The following HIPK3 variants were observed in gnomAD, a reference collection of about 807,000 sequenced individuals.
The protein encoded by HIPK3 is homeodomain-interacting protein kinase 3.
HIPK3 carries 47 observed loss-of-function variants against 124.2 expected under a neutral mutation model. That is an observed-to-expected ratio of 0.38 (90% CI 0.30 to 0.48). HIPK3 has a LOEUF of 0.48. Ranked by LOEUF, HIPK3 falls within the 20% of genes least tolerant of loss-of-function variation. HIPK3 has a pLI of 0.98. For synonymous variants in HIPK3, 482 were observed against 515.2 expected (o/e 0.94, Z 0.87); for missense variants, 1,286 against 1,454.3 (o/e 0.88, Z 1.88).
In HIPK3 at chr11:33,327,243, A is replaced by G. The variant is rs553856336; in HGVS notation, c.1098-1267A>G. 2.6e-5 allele frequency among the ~76,000 whole-genome samples: 4 copies of G among 152,336 alleles called. No homozygotes were observed. In the East Asian group the frequency reaches 5.8e-4, roughly 22 times the overall value. Reference sequence around the variant, plus strand: ...AAAATTATTAGTAATGGAACATATCAGAATTGCATGCCTAATAAGATACAA... The same window carrying G: ...AAAATTATTAGTAATGGAACATATCGGAATTGCATGCCTAATAAGATACAA... On this transcript the variant is annotated intron_variant, in intron 2 of 16. Transcript: ENST00000303296.
chr11:33,341,735 A>G (rs1341139396), intron 8 of HIPK3, 49 bp downstream of exon 8: 1 of 1,502,466 alleles, frequency 6.7e-7, no homozygotes, highest in Non-Finnish European at 9.1e-7. Flanking sequence ...GCTTTATTTT[A>G]AAATAAGTTT....
chr11:33,296,649 A>G (rs2133918638), intron 2 of HIPK3, among the ~76,000 whole-genome samples: 1 of 152,210 alleles, frequency 6.6e-6, no homozygotes, highest in Non-Finnish European at 1.5e-5. Context: ...TGATCTTTGA[A>G]CAGTAGTCTT....
intron 2 of HIPK3, among the ~76,000 whole-genome samples, chr11:33,298,528 G>T (rs1358738307): frequency 6.6e-6 from 1 of 152,212 alleles, no homozygotes; most frequent in East Asian, 1.9e-4. Flanking sequence ...AGCTGCTATA[G>T]ATAGTAATTC....
chr11:33,280,927 G>C (rs1851395121), intron 1 of HIPK3, among the ~76,000 whole-genome samples: 1 of 152,092 alleles, frequency 6.6e-6, no homozygotes, highest in East Asian at 1.9e-4. Context: ...GAGATCATTG[G>C]TTCTCAGATT....
intron 2 of HIPK3, among the ~76,000 whole-genome samples, chr11:33,293,290 C>T (rs1029351558): frequency 6.6e-6 from 1 of 152,006 alleles, no homozygotes; most frequent in African/African-American, 2.4e-5. Flanking sequence ...ATAGTTGTGC[C>T]ATCATCAGCA....
chr11:33,325,742 A>T (rs1852793495), intron 2 of HIPK3, among the ~76,000 whole-genome samples: 1 of 152,222 alleles, frequency 6.6e-6, no homozygotes, highest in Admixed American at 6.5e-5. Context: ...CAAATAATGA[A>T]CAAAAAGGGA....
Position 33,257,780 on chromosome 11 carries a change from C to A in HIPK3, c.-112C>A. 1.0e-6 allele frequency: 1 copy of A among 987,058 alleles called. No homozygotes were observed. Among genetic ancestry groups the A allele is most frequent in the African/African-American group, 1.7e-5 (1 of 57,402 alleles). The allele number at this position is 987,058 out of a possible 1,614,324, so 61.1% of individuals were successfully genotyped here. On this transcript the variant is annotated 5_prime_UTR_variant, in exon 1 of 17. Transcript: ENST00000303296. ...GGGCTGAGCCCGGGCTGGGTGGTGC[C>A]GCCTGCTGAAGCGCCTGGCTCCCGG...
At chr11:33,269,832 A>G (rs1373970794) in intron 1 of HIPK3, among the ~76,000 whole-genome samples, 1 of 151,890 alleles carries the variant, frequency 6.6e-6, no homozygotes. Flanking sequence ...TTAGCTTTCA[A>G]CCCATATTTT....
intron 1 of HIPK3, among the ~76,000 whole-genome samples, chr11:33,271,111 G>A (rs896544676): frequency 3.9e-5 from 6 of 152,022 alleles, no homozygotes. Flanking sequence ...TGCCTTAGTG[G>A]TAATTTTTAT....
Position 33,287,100 on chromosome 11 carries a change from A to G in HIPK3, c.686A>G (p.Lys229Arg). Residue 229 changes from lysine (K) to arginine (R), a missense_variant, in exon 2 of 17, where the codon AAG becomes AGG. Coordinates refer to ENST00000303296, the MANE Select transcript of HIPK3 (RefSeq NM_005734.5). ...TNEIVAIKIL[K>R]NHPSYARQGQ... Reference sequence around the variant, plus strand: ...GAAATTGTAGCAATCAAAATTTTGAAGAATCATCCTTCTTATGCCCGTCAA... The same window carrying G: ...GAAATTGTAGCAATCAAAATTTTGAGGAATCATCCTTCTTATGCCCGTCAA... The G allele has an allele frequency of 1.2e-6, 2 of 1,614,226 alleles. No homozygotes were observed. Among genetic ancestry groups the G allele is most frequent in the Non-Finnish European group, 1.7e-6 (2 of 1,180,038 alleles).
At chr11:33,329,351 C>T (rs1382567771) in intron 3 of HIPK3, among the ~76,000 whole-genome samples, 3 of 152,046 alleles carry the variant, frequency 2.0e-5, no homozygotes, top group African/African-American at 7.2e-5. Context: ...TCAAAATCAA[C>T]AAAGTAGTTA....
chr11:33,311,837 TACACACACACACACAC>T (rs370396153), intron 2 of HIPK3, among the ~76,000 whole-genome samples: 1 of 104,406 alleles, frequency 9.6e-6, no homozygotes, highest in African/African-American at 3.8e-5. Context: ...ACCCTGTTTC[TACACACACACACACAC>T]ACACACACAC....
chr11:33,266,952 G>A (rs1164869138), intron 1 of HIPK3, among the ~76,000 whole-genome samples: 3 of 151,990 alleles, frequency 2.0e-5, no homozygotes, highest in South Asian at 2.1e-4. Flanking sequence ...TTGTTTTCTC[G>A]TGGTTTTTTC....
At chr11:33,317,894 A>G (rs1208728981) in intron 2 of HIPK3, among the ~76,000 whole-genome samples, 2 of 152,190 alleles carry the variant, frequency 1.3e-5, no homozygotes, top group East Asian at 1.9e-4. Context: ...CTCATTTCCT[A>G]ACTGCCTCTG....
chr11:33,332,113 T>C (rs1853005328), intron 3 of HIPK3, among the ~76,000 whole-genome samples: 1 of 152,214 alleles, frequency 6.6e-6, no homozygotes, highest in East Asian at 1.9e-4. Flanking sequence ...ATATTCAAAG[T>C]ATTTTAATTC....
Position 33,347,904 on chromosome 11 carries a change from C to T in HIPK3, c.2197C>T (p.Leu733=), listed in dbSNP as rs1365989863. 12 of 1,614,098 alleles carry T rather than the reference C, an allele frequency of 7.4e-6. No individual in the cohort carries two copies. The highest frequency in any genetic ancestry group is 1.0e-5 in the Non-Finnish European group (12 of 1,180,042). The part of the protein sequence containing the change: ...HYNSVMPQPL[L]TNQITLSAPQ... ...TAACTCAGTGATGCCGCAGCCTCTT[C>T]TGACCAATCAGATAACTTTATCTGC... The change falls in exon 11 of 17, where the codon CTG becomes TTG. Residue 733 remains leucine, a synonymous_variant. Transcript: ENST00000303296.
intron 1 of HIPK3, among the ~76,000 whole-genome samples, chr11:33,263,847 G>A (rs946917355): frequency 1.3e-5 from 2 of 152,186 alleles, no homozygotes; most frequent in Middle Eastern, 3.4e-3. Flanking sequence ...GGAGTTTGGG[G>A]AAGATAAGCT....
intron 1 of HIPK3, among the ~76,000 whole-genome samples, chr11:33,260,092 TTA>T (rs1850783375): frequency 6.6e-6 from 1 of 152,184 alleles, no homozygotes; most frequent in East Asian, 1.9e-4. Context: ...GCATGGGATT[TTA>T]GAGTCACATT....
chr11:33,336,001 C>T (rs2133979143), intron 3 of HIPK3, among the ~76,000 whole-genome samples: 1 of 152,206 alleles, frequency 6.6e-6, no homozygotes, highest in South Asian at 2.1e-4. Flanking sequence ...AAAAATTCTT[C>T]CGTTCATGGA....
Sources: allele counts gnomAD v4.1 joint callset (sites outside exome capture counted in the v4.1 genomes callset), GRCh38; gene constraint gnomAD v4.1.1; transcripts MANE v1.5; gene names NCBI Gene and HGNC (gene_info 2026-07-23, HGNC 2026-07-21).